Variants in FHIT observed in about 807,000 individuals in gnomAD.
The protein encoded by FHIT is fragile histidine triad diadenosine triphosphatase.
Under a neutral mutation model 17.9 loss-of-function variants are expected in FHIT, and 19 were observed. That is an observed-to-expected ratio of 1.06 (90% CI 0.74 to 1.56). The LOEUF (loss-of-function observed/expected upper bound fraction) is 1.56. Ranked by LOEUF, FHIT falls within the 40% of genes most tolerant of loss-of-function variation. The pLI is 0.00. For synonymous variants in FHIT, 81 were observed against 69.7 expected (o/e 1.16, Z -0.81); for missense variants, 248 against 189.2 (o/e 1.31, Z -1.82).
intron 2 of FHIT, among the ~76,000 whole-genome samples, chr3:61,074,684 C>T (rs2034917053): frequency 6.6e-6 from 1 of 152,038 alleles, no homozygotes; most frequent in African/African-American, 2.4e-5. Flanking sequence ...CTCTCTTCTT[C>T]TTAATAGTAT....
intron 3 of FHIT, among the ~76,000 whole-genome samples, chr3:60,879,226 T>G (rs1704839905): frequency 6.6e-6 from 1 of 152,168 alleles, no homozygotes; most frequent in Non-Finnish European, 1.5e-5. Context: ...TGATTTGCAT[T>G]TCTCTGATGG....
At chr3:59,851,755 G>A (rs900092840) in intron 8 of FHIT, among the ~76,000 whole-genome samples, 1 of 152,194 alleles carries the variant, frequency 6.6e-6, no homozygotes, top group African/African-American at 2.4e-5. Flanking sequence ...GATCCCCAGT[G>A]ATGCTACATG....
intron 5 of FHIT, among the ~76,000 whole-genome samples, chr3:60,500,162 T>A (rs1000242183): frequency 2.0e-5 from 3 of 152,192 alleles, no homozygotes; most frequent in Non-Finnish European, 4.4e-5. Flanking sequence ...TACCTATTTT[T>A]GTAAATAAAG....
At chr3:60,535,240 A>C (rs2035938817) in intron 5 of FHIT, among the ~76,000 whole-genome samples, 1 of 152,126 alleles carries the variant, frequency 6.6e-6, no homozygotes, top group African/African-American at 2.4e-5. Flanking sequence ...AACAACAACA[A>C]AAAAAAGTGG....
chr3:61,076,166 C>T (rs1467749865), intron 2 of FHIT, among the ~76,000 whole-genome samples: 2 of 152,158 alleles, frequency 1.3e-5, no homozygotes, highest in South Asian at 2.1e-4. Context: ...AGATAATCTG[C>T]GATATCAACC....
intron 8 of FHIT, among the ~76,000 whole-genome samples, chr3:59,767,608 C>T (rs1701868584): frequency 6.6e-6 from 1 of 152,148 alleles, no homozygotes; most frequent in Non-Finnish European, 1.5e-5. Context: ...TGGAGCCCAA[C>T]ATTAAGGATG....
intron 2 of FHIT, among the ~76,000 whole-genome samples, chr3:61,080,034 T>A (rs969150245): frequency 7.9e-5 from 12 of 152,312 alleles, no homozygotes; most frequent in South Asian, 2.1e-4. Flanking sequence ...TTTCATTTTT[T>A]AAAAATAAAT....
At chr3:61,045,119 TA>T (rs1307497160) in intron 2 of FHIT, among the ~76,000 whole-genome samples, 3 of 152,192 alleles carry the variant, frequency 2.0e-5, no homozygotes, top group African/African-American at 7.2e-5. Context: ...CAGGATTAAA[TA>T]CACACATAAC....
chr3:61,202,359 C>T (rs1171378214), intron 1 of FHIT, among the ~76,000 whole-genome samples: 3 of 152,086 alleles, frequency 2.0e-5, no homozygotes, highest in Non-Finnish European at 2.9e-5. Context: ...TGAGGAGTGC[C>T]TCTGCCCGGC....
chr3:60,680,695 T>G (rs2040726737), intron 4 of FHIT, among the ~76,000 whole-genome samples: 1 of 152,068 alleles, frequency 6.6e-6, no homozygotes, highest in African/African-American at 2.4e-5. Context: ...AACATCAGAA[T>G]AATATATAGA....
At chr3:61,148,459 T>C (rs1232006496) in intron 2 of FHIT, among the ~76,000 whole-genome samples, 2 of 152,202 alleles carry the variant, frequency 1.3e-5, no homozygotes, top group Admixed American at 1.3e-4. Context: ...GCATACAGTA[T>C]GCATTCTTTT....
intron 5 of FHIT, among the ~76,000 whole-genome samples, chr3:60,299,653 C>T (rs949889985): frequency 6.6e-6 from 1 of 152,168 alleles, no homozygotes; most frequent in African/African-American, 2.4e-5. Context: ...TACTTCTCTA[C>T]TGTTGGTAGA....
chr3:60,045,316 C>T (rs1003186224), intron 5 of FHIT, among the ~76,000 whole-genome samples: 3 of 152,192 alleles, frequency 2.0e-5, no homozygotes, highest in African/African-American at 4.8e-5. Context: ...TACAGTTCCA[C>T]ATGGCTGGGG....
At chr3:59,808,051 G>T (rs1700271446) in intron 8 of FHIT, among the ~76,000 whole-genome samples, 1 of 152,002 alleles carries the variant, frequency 6.6e-6, no homozygotes, top group Admixed American at 6.6e-5. Flanking sequence ...TTATCCCGAA[G>T]GGAAACCCTG....
At chr3:61,198,111 A>T (rs1339113642) in intron 2 of FHIT, among the ~76,000 whole-genome samples, 1 of 152,106 alleles carries the variant, frequency 6.6e-6, no homozygotes, top group African/African-American at 2.4e-5. Flanking sequence ...GATCTAGCTC[A>T]CTAATGAATA....
At chr3:60,218,076 T>C (rs998489273) in intron 5 of FHIT, among the ~76,000 whole-genome samples, 25 of 152,274 alleles carry the variant, frequency 1.6e-4, no homozygotes, top group African/African-American at 6.0e-4. Flanking sequence ...TTTAAAGTAT[T>C]ATTTTAAAAA....
chr3:59,841,006 C>A (rs890429447), intron 8 of FHIT, among the ~76,000 whole-genome samples: 9 of 152,168 alleles, frequency 5.9e-5, no homozygotes, highest in African/African-American at 2.2e-4. Context: ...ACCAATGGTG[C>A]CCTCACTTCA....
intron 3 of FHIT, among the ~76,000 whole-genome samples, chr3:60,953,122 G>C (rs1313944846): frequency 6.6e-6 from 1 of 152,144 alleles, no homozygotes; most frequent in African/African-American, 2.4e-5. Context: ...AAGAACAAGT[G>C]GGGGCATGTT....
intron 4 of FHIT, among the ~76,000 whole-genome samples, chr3:60,738,056 G>A (rs1008841925): frequency 1.3e-5 from 2 of 152,148 alleles, no homozygotes; most frequent in African/African-American, 4.8e-5. Context: ...AAGCTCGGCT[G>A]TGGGACTCTG....
Sources: gnomAD v4.1 joint callset for allele counts (sites outside exome capture counted in the v4.1 genomes callset) on GRCh38, gnomAD v4.1.1 for gene constraint, MANE v1.5 for transcripts, NCBI Gene and HGNC (gene_info 2026-07-23, HGNC 2026-07-21) for gene names.